CAMTA1: variants seen among roughly 807,000 people sequenced by gnomAD.
CAMTA1 encodes calmodulin-binding transcription activator 1.
CAMTA1 carries 27 observed loss-of-function variants against 170.9 expected under a neutral mutation model. The ratio of observed to expected loss-of-function variants is 0.16; its 90% CI spans 0.12 to 0.22. The LOEUF is 0.22. Among genes scored for constraint, CAMTA1 ranks in the 10% least tolerant of loss-of-function variants. The pLI is 1.00. For synonymous variants in CAMTA1, 833 were observed against 891.5 expected (o/e 0.93, Z 1.17); for missense variants, 1,619 against 2,217.2 (o/e 0.73, Z 5.42).
At chr1:7,366,340 G>A (rs2085964260) in intron 5 of CAMTA1, among the ~76,000 whole-genome samples, 1 of 152,136 alleles carries the variant, frequency 6.6e-6, no homozygotes, top group African/African-American at 2.4e-5. Context: ...CTCCACATGA[G>A]GTATATTCCA....
chr1:7,517,236 A>C (rs958837313), intron 6 of CAMTA1, among the ~76,000 whole-genome samples: 2 of 152,214 alleles, frequency 1.3e-5, no homozygotes, highest in Non-Finnish European at 2.9e-5. Context: ...ACTCATCATT[A>C]ATAACCAGGA....
At chr1:7,397,429 A>C (rs2089414211) in intron 5 of CAMTA1, among the ~76,000 whole-genome samples, 3 of 152,026 alleles carry the variant, frequency 2.0e-5, no homozygotes, top group Admixed American at 1.3e-4. Flanking sequence ...TTTTGTATCA[A>C]TATATCAACA....
rs542420947 is a variant in CAMTA1 at position 7,640,519 on chromosome 1, G to A, written c.630G>A (p.Thr210=). 40 of 1,614,224 alleles carry A rather than the reference G, an allele frequency of 2.5e-5. No individual in the cohort carries two copies. The South Asian group carries it at 3.2e-4, about 13-fold the overall frequency. The change falls in exon 7 of 23, where the codon ACG becomes ACA. Residue 210 remains threonine (T), a synonymous_variant. Coordinates refer to ENST00000303635, the MANE Select transcript of CAMTA1 (RefSeq NM_015215.4). The stretch of plus-strand genomic sequence containing the variant: ...ACAAGAAGGAGTGGGCGAAATGGAC[G>A]AAAGAAGAGCTCATCGGGCAGCTGA... The part of the protein sequence containing the change: ...NTDKKEWAKW[T]KEELIGQLKP...
At chr1:7,218,216 T>C (rs561622812) in intron 4 of CAMTA1, among the ~76,000 whole-genome samples, 1 of 152,334 alleles carries the variant, frequency 6.6e-6, no homozygotes, top group South Asian at 2.1e-4. Context: ...TTACAAGCGT[T>C]GAGGATATTT....
chr1:7,344,652 A>G (rs946920368), intron 5 of CAMTA1, among the ~76,000 whole-genome samples: 2 of 151,754 alleles, frequency 1.3e-5, no homozygotes, highest in Admixed American at 6.6e-5. Context: ...AGGGTGTCTG[A>G]CCCTGGCCCT....
In CAMTA1 at chr1:7,736,801, A is replaced by G; in HGVS notation, c.3264-130A>G. 1.3e-6 allele frequency: 1 copy of G among 784,432 alleles called. No individual in the cohort carries two copies. The highest frequency in any genetic ancestry group is 2.1e-6 in the Non-Finnish European group (1 of 469,136). 48.6% of individuals were successfully genotyped at this position (784,432 alleles called of 1,614,324 possible). ...AATGGAGCGTCCACACTGCCCTGGGACTCTGTTTCTTCACCATGGGGATGT... is the reference window on the plus strand; with the variant it reads ...AATGGAGCGTCCACACTGCCCTGGGGCTCTGTTTCTTCACCATGGGGATGT... On this transcript the variant is annotated intron_variant, in intron 13 of 22. Transcript: ENST00000303635. This position sits in a 1 kb window ranked among gnomAD's most constrained non-coding sequence, Gnocchi z 4.5.
In CAMTA1 at chr1:7,265,140, G is replaced by A. The variant is rs146715455; in HGVS notation, c.438+15514G>A. Among the ~76,000 whole-genome samples the A allele has an allele frequency of 4.6e-5, 7 of 152,268 alleles. No individual in the cohort carries two copies. The East Asian group carries it at 1.4e-3, about 29-fold the overall frequency. On this transcript the variant is annotated intron_variant, in intron 5 of 22. Coordinates refer to ENST00000303635, the MANE Select transcript of CAMTA1 (RefSeq NM_015215.4). ...TGCCAGTGCCACCCACTCAGGGTCA[G>A]CTCCTGAGCAGGTGAACTGTTCCTG...
At chr1:7,359,735 T>C (rs1362317883) in intron 5 of CAMTA1, among the ~76,000 whole-genome samples, 1 of 152,166 alleles carries the variant, frequency 6.6e-6, no homozygotes, top group Non-Finnish European at 1.5e-5. Flanking sequence ...GCCTGTGTTC[T>C]TGGAATACAA....
intron 3 of CAMTA1, among the ~76,000 whole-genome samples, chr1:6,953,073 C>T (rs1688789286): frequency 6.6e-6 from 1 of 152,096 alleles, no homozygotes; most frequent in African/African-American, 2.4e-5. Context: ...TCACTTGATA[C>T]CATATTGTCA....
chr1:6,869,617 C>T (rs1472847812), intron 3 of CAMTA1, among the ~76,000 whole-genome samples: 1 of 152,142 alleles, frequency 6.6e-6, no homozygotes, highest in African/African-American at 2.4e-5. Flanking sequence ...TAGCCTTTAC[C>T]TTCCCCTCCC....
At chr1:6,964,937 C>T (rs942081873) in intron 3 of CAMTA1, among the ~76,000 whole-genome samples, 9 of 152,106 alleles carry the variant, frequency 5.9e-5, no homozygotes, top group African/African-American at 9.7e-5. Flanking sequence ...GAGGCCGGGT[C>T]GGCTGGGAAA....
chr1:6,853,787 T>C (rs1661267040), intron 3 of CAMTA1, among the ~76,000 whole-genome samples: 1 of 152,198 alleles, frequency 6.6e-6, no homozygotes, highest in South Asian at 2.1e-4. Context: ...AAGTGGGCTT[T>C]AGGGTAGAAA....
Position 7,017,066 on chromosome 1 carries a change from T to A in CAMTA1, c.235-74238T>A, listed in dbSNP as rs79815245. On this transcript the variant is annotated intron_variant, in intron 3 of 22. Coordinates refer to ENST00000303635, the MANE Select transcript of CAMTA1 (RefSeq NM_015215.4). Reference sequence around the variant, plus strand: ...ACTTCTTACACCCCACCACTGGGAGTCTTCGACAGCTCTCACACAGAAGAG... The same window carrying A: ...ACTTCTTACACCCCACCACTGGGAGACTTCGACAGCTCTCACACAGAAGAG... Among the ~76,000 whole-genome samples, 1,094 of 152,040 alleles carry A rather than the reference T, an allele frequency of 7.2e-3. 18 individuals carry two copies. The highest frequency in any genetic ancestry group is 0.024 in the African/African-American group (1,008 of 41,454).
intron 7 of CAMTA1, among the ~76,000 whole-genome samples, chr1:7,660,633 C>T (rs958683819): frequency 6.6e-6 from 1 of 152,256 alleles, no homozygotes; most frequent in Admixed American, 6.5e-5. Flanking sequence ...CCCCTACCTT[C>T]TAGAGCCCTT....
At chr1:7,240,608 G>A (rs1014208311) in intron 4 of CAMTA1, among the ~76,000 whole-genome samples, 3 of 147,700 alleles carry the variant, frequency 2.0e-5, no homozygotes, top group East Asian at 4.2e-4. Flanking sequence ...TGTAACCTCC[G>A]CCTCCTGGGC....
At chr1:7,631,592 G>A (rs1327436363) in intron 6 of CAMTA1, among the ~76,000 whole-genome samples, 2 of 152,204 alleles carry the variant, frequency 1.3e-5, no homozygotes, top group Non-Finnish European at 2.9e-5. Context: ...CCACCCCTGA[G>A]TGGCCGTGGA....
chr1:7,381,469 A>G (rs2087319226), intron 5 of CAMTA1, among the ~76,000 whole-genome samples: 2 of 151,540 alleles, frequency 1.3e-5, no homozygotes, highest in Admixed American at 6.6e-5. Flanking sequence ...CCATGTCCCT[A>G]CAAAGGACAT....
intron 4 of CAMTA1, among the ~76,000 whole-genome samples, chr1:7,163,842 T>A (rs1647786431): frequency 6.6e-6 from 1 of 152,192 alleles, no homozygotes; most frequent in African/African-American, 2.4e-5. Context: ...ATTCCCACTA[T>A]ATGCTCTTAG....
chr1:7,022,061 C>A (rs1298308070), intron 3 of CAMTA1, among the ~76,000 whole-genome samples: 1 of 152,208 alleles, frequency 6.6e-6, no homozygotes, highest in East Asian at 1.9e-4. Context: ...CAGCAGGTCT[C>A]CCGAGCGTGA....
Sources: allele counts gnomAD v4.1 joint callset (sites outside exome capture counted in the v4.1 genomes callset), GRCh38; gene constraint gnomAD v4.1.1; non-coding constraint Gnocchi (gnomAD v3.1); transcripts MANE v1.5; gene names NCBI Gene and HGNC (gene_info 2026-07-23, HGNC 2026-07-21).